NDUFAF6: variants seen among roughly 807,000 people sequenced by gnomAD.
The protein encoded by NDUFAF6 is NADH:ubiquinone oxidoreductase complex assembly factor 6, also known as NADH dehydrogenase (ubiquinone) complex I, assembly factor 6.
A neutral mutation model predicts 40.8 loss-of-function variants in NDUFAF6; 45 were observed. The observed-to-expected ratio is 1.10, with a 90% CI of 0.87 to 1.42. The LOEUF is 1.42. Among genes scored for constraint, NDUFAF6 ranks in the 40% most tolerant of loss-of-function variants. The pLI, the probability that NDUFAF6 is intolerant of heterozygous loss-of-function variation, is 0.00. For synonymous variants in NDUFAF6, 185 were observed against 155.9 expected (o/e 1.19, Z -1.39); for missense variants, 435 against 418.5 (o/e 1.04, Z -0.34).
intron 2 of NDUFAF6, among the ~76,000 whole-genome samples, chr8:95,006,284 G>A (rs1826975125): frequency 6.6e-6 from 1 of 151,106 alleles, no homozygotes; most frequent in African/African-American, 2.4e-5. Context: ...GAACCTGGGA[G>A]GTGGAGGTTG....
upstream of NDUFAF6, among the ~76,000 whole-genome samples, chr8:94,955,737 G>A (rs776014129): frequency 1.7e-4 from 26 of 152,314 alleles, no homozygotes; most frequent in Middle Eastern, 3.4e-3. Context: ...AAAGTCAACA[G>A]CAAAATATCT....
intron 1 of NDUFAF6, among the ~76,000 whole-genome samples, chr8:94,914,300 G>A (rs1317239031): frequency 6.6e-6 from 1 of 152,026 alleles, no homozygotes; most frequent in African/African-American, 2.4e-5. Flanking sequence ...TTCAAACATC[G>A]CTGTAAGCCA....
chr8:95,086,724 C>T (rs1231527911), intron 2 of NDUFAF6, among the ~76,000 whole-genome samples: 1 of 151,980 alleles, frequency 6.6e-6, no homozygotes, highest in African/African-American at 2.4e-5. Context: ...GCCTCAGTCT[C>T]CCGAGTAGCT....
chr8:95,036,238 C>G (rs749412586), intron 3 of NDUFAF6: 629 of 1,184,580 alleles, frequency 5.3e-4, no homozygotes, highest in Non-Finnish European at 6.5e-4. Flanking sequence ...ATATTCTAAA[C>G]TATGAGAGGA....
chr8:95,068,279 G>C (rs1832751474), intron 9 of NDUFAF6: 1 of 151,846 alleles, frequency 6.6e-6, no homozygotes, highest in Non-Finnish European at 1.5e-5. Flanking sequence ...GTTGTACTTA[G>C]TGGGAGCAAT....
intron 1 of NDUFAF6, among the ~76,000 whole-genome samples, chr8:94,973,699 A>C: frequency 8.2e-6 from 1 of 122,070 alleles, no homozygotes; most frequent in Non-Finnish European, 1.7e-5. Flanking sequence ...CAAGAGTGAG[A>C]CTCTGTCTCA....
intron 4 of NDUFAF6, among the ~76,000 whole-genome samples, chr8:95,113,658 T>G (rs1810058124): frequency 1.3e-5 from 2 of 152,172 alleles, no homozygotes; most frequent in Admixed American, 6.5e-5. Context: ...AGTGCTTTTG[T>G]TAGGAAAGAG....
intron 2 of NDUFAF6, among the ~76,000 whole-genome samples, chr8:95,033,023 T>G (rs1416729229): frequency 6.6e-6 from 1 of 152,186 alleles, no homozygotes; most frequent in Non-Finnish European, 1.5e-5. Context: ...TGGTCTTTAT[T>G]ATCATTTTTA....
At chr8:94,986,634 G>T (rs1201193709) in intron 2 of NDUFAF6, among the ~76,000 whole-genome samples, 1 of 152,186 alleles carries the variant, frequency 6.6e-6, no homozygotes, top group Non-Finnish European at 1.5e-5. Flanking sequence ...GCAATTCCAT[G>T]GGGTTTTCGG....
intron 1 of NDUFAF6, among the ~76,000 whole-genome samples, chr8:94,963,916 T>A (rs1038271108): frequency 9.9e-5 from 15 of 152,204 alleles, no homozygotes; most frequent in Middle Eastern, 3.2e-3. Flanking sequence ...TTTCATTATC[T>A]TATCATTCAA....
At chr8:95,088,155 C>A (rs1487912705) in intron 2 of NDUFAF6, among the ~76,000 whole-genome samples, 2 of 152,202 alleles carry the variant, frequency 1.3e-5, no homozygotes, top group South Asian at 2.1e-4. Context: ...GCACTGCCTG[C>A]AAACCTCATG....
intron 2 of NDUFAF6, among the ~76,000 whole-genome samples, chr8:94,948,978 C>A (rs1032353775): frequency 8.0e-5 from 12 of 150,132 alleles, no homozygotes; most frequent in African/African-American, 2.7e-4. Context: ...GGTGGGCGGC[C>A]GGGCCCGGCG....
chr8:94,973,688 A>C (rs141680016), intron 1 of NDUFAF6, among the ~76,000 whole-genome samples: 20,343 of 147,102 alleles, frequency 0.14, 1,618 homozygotes, highest in Middle Eastern at 0.23. Flanking sequence ...AGCCTGGGCG[A>C]CAAGAGTGAG....
Position 95,005,554 on chromosome 8 carries a change from A to ATATATATATATATATATATAT in NDUFAF6, c.-84+24581_-84+24582insTATATATATATATATATATAT, listed in dbSNP as rs1554657858. ...ATATATATATATATATATATATATA[A>ATATATATATATATATATATAT]AAAATATATTAACATAAATAATATA... On this transcript the variant is annotated intron_variant, in intron 2 of 9. Coordinates refer to the NDUFAF6 transcript ENST00000396111. Among the ~76,000 whole-genome samples the ATATATATATATATATATATAT allele has an allele frequency of 1.6e-3, 185 of 115,304 alleles. 10 individuals are homozygous for ATATATATATATATATATATAT. Among genetic ancestry groups the ATATATATATATATATATATAT allele is most frequent in the African/African-American group, 5.1e-3 (136 of 26,752 alleles). The allele number at this position is 115,304 out of a possible 152,430, so 75.6% of individuals were successfully genotyped here.
chr8:95,079,173 T>C (rs1403625651), downstream of NDUFAF6, among the ~76,000 whole-genome samples: 1 of 152,120 alleles, frequency 6.6e-6, no homozygotes, highest in African/African-American at 2.4e-5. Flanking sequence ...GATTTCTCCA[T>C]GTTGGTCAGG....
chr8:95,008,018 C>G (rs1243843134), intron 2 of NDUFAF6, among the ~76,000 whole-genome samples: 1 of 152,182 alleles, frequency 6.6e-6, no homozygotes, highest in African/African-American at 2.4e-5. Context: ...GCCACTGCAC[C>G]CAGCCTTGAG....
rs55703438 is a variant in NDUFAF6 at position 94,958,522 on chromosome 8, C to CTTTTTTTTTTTTTTTT, written c.-199+358_-199+373dup. Among the ~76,000 whole-genome samples, 3 of 71,276 alleles carry CTTTTTTTTTTTTTTTT rather than the reference C, an allele frequency of 4.2e-5. 1 individual carries two copies. The highest frequency in any genetic ancestry group is 5.9e-5 in the African/African-American group (1 of 16,948). The allele number at this position is 71,276 out of a possible 152,430, so 46.8% of individuals were successfully genotyped here. ...CCCTATCTCCACACATAGTCACATT[C>CTTTTTTTTTTTTTTTT]TTTTTTTTTTTTTTTTTTTTTTTTT... is the stretch of plus-strand genomic sequence containing the variant. On this transcript the variant is annotated intron_variant, in intron 1 of 9. Coordinates refer to the NDUFAF6 transcript ENST00000396111.
chr8:95,032,077 A>C lies in NDUFAF6; in HGVS notation c.280A>C (p.Asn94His), dbSNP rs1828919379. 6.2e-7 allele frequency: 1 copy of C among 1,613,946 alleles called. No individual in the cohort carries two copies. The highest frequency in any genetic ancestry group is 1.3e-5 in the African/African-American group (1 of 74,912). Residue 94 changes from asparagine to histidine, a missense_variant, in exon 2 of 9, where the codon AAT becomes CAT. Coordinates refer to ENST00000396124, the MANE Select transcript of NDUFAF6 (RefSeq NM_152416.4). ...RSSVFALRAF[N>H]VELAQVKDSV... ...CTCTGTTTTTGCACTGAGGGCCTTT[A>C]ATGTGGAACTGGCTCAGGCTGGTAT...
chr8:95,057,848 G>A lies in NDUFAF6; in HGVS notation c.913G>A (p.Asp305Asn), dbSNP rs1172709761. 6.2e-7 allele frequency: 1 copy of A among 1,611,534 alleles called. No individual in the cohort carries two copies. Among genetic ancestry groups the A allele is most frequent in the Non-Finnish European group, 8.5e-7 (1 of 1,178,370 alleles). Reference sequence around the variant, plus strand: ...CTTTCTAAAGAAAATTCAGCGAGTGGATTTTGATATATTCCACCCATCTTT... The same window carrying A: ...CTTTCTAAAGAAAATTCAGCGAGTGAATTTTGATATATTCCACCCATCTTT... The part of the protein sequence containing the change: ...EDFLKKIQRV[D>N]FDIFHPSLQQ... Residue 305 changes from aspartate to asparagine, a missense_variant, in exon 9 of 9, where the codon GAT becomes AAT. Asp to Asn is a conservative substitution (Grantham distance 23). Transcript: ENST00000396124.
Sources: gnomAD v4.1 joint callset for allele counts (sites outside exome capture counted in the v4.1 genomes callset) on GRCh38, gnomAD v4.1.1 for gene constraint, MANE v1.5 for transcripts, NCBI Gene and HGNC (gene_info 2026-07-23, HGNC 2026-07-21) for gene names.